The following PPP1R12A variants were observed in gnomAD, a reference collection of about 807,000 sequenced individuals.
The protein encoded by PPP1R12A is myosin binding subunit.
In PPP1R12A, 19 loss-of-function variants were observed where a neutral mutation model predicts 139.6. That is an observed-to-expected ratio of 0.14 (90% CI 0.09 to 0.20). The LOEUF is 0.20. PPP1R12A is among the 10% of genes least tolerant of loss of function. PPP1R12A has a pLI of 1.00. For missense variants in PPP1R12A, 925 were observed against 1,211.5 expected (o/e 0.76, Z 3.51); for synonymous variants, 427 against 420.6 (o/e 1.02, Z -0.19).
intron 22 of PPP1R12A, among the ~76,000 whole-genome samples, chr12:79,785,629 T>G (rs538272996): frequency 6.6e-6 from 1 of 152,316 alleles, no homozygotes; most frequent in Non-Finnish European, 1.5e-5. Flanking sequence ...TTGAACACAT[T>G]TGTTTTCTTA....
chr12:79,798,678 A>G (rs1592630173), intron 14 of PPP1R12A, 94 bp from the exon 15 acceptor site: 1 of 567,518 alleles, frequency 1.8e-6, no homozygotes, highest in Non-Finnish European at 2.8e-6. Flanking sequence ...TACAGGTTTA[A>G]TATCTTAGTA....
intron 2 of PPP1R12A, among the ~76,000 whole-genome samples, chr12:79,872,362 A>G (rs959912332): frequency 2.0e-5 from 3 of 152,176 alleles, no homozygotes; most frequent in African/African-American, 7.2e-5. Flanking sequence ...TTTCTAAAAA[A>G]TGTATTTTTT....
At chr12:79,780,589 TTG>T (rs1870318352) in intron 23 of PPP1R12A, 1 of 152,216 alleles carries the variant, frequency 6.6e-6, no homozygotes, top group African/African-American at 2.4e-5. Context: ...ATATTTAAAA[TTG>T]TGATTGTATT....
chr12:79,811,936 C>A (rs1185926802), intron 9 of PPP1R12A, among the ~76,000 whole-genome samples: 1 of 152,110 alleles, frequency 6.6e-6, no homozygotes, highest in Non-Finnish European at 1.5e-5. Flanking sequence ...AGTCAGATAA[C>A]ATTTATTGTT....
Position 79,895,760 on chromosome 12 carries a change from T to A in PPP1R12A, c.238-22822A>T, listed in dbSNP as rs148358068. On this transcript the variant is annotated intron_variant, in intron 1 of 24. Coordinates refer to ENST00000450142, the MANE Select transcript of PPP1R12A (RefSeq NM_002480.3). ...GCACTGCTACTCTGTTCAGATTTTG[T>A]CAACAATTACTATCATCTGTAAGGT... Among the ~76,000 whole-genome samples the A allele has an allele frequency of 3.9e-5, 6 of 152,322 alleles. No homozygotes were observed. In the East Asian group the frequency reaches 1.2e-3, roughly 29 times the overall value.
intron 2 of PPP1R12A, among the ~76,000 whole-genome samples, chr12:79,860,368 G>T (rs1204460702): frequency 6.6e-6 from 1 of 152,030 alleles, no homozygotes; most frequent in Non-Finnish European, 1.5e-5. Flanking sequence ...AACATTCATT[G>T]GTCAATTAAG....
In PPP1R12A at chr12:79,774,231, T is replaced by C. The variant is rs1869511903; in HGVS notation, c.*1698A>G. ...AAAATAAAACTCCCACAACTATCCT[T>C]GTACCTTTAAAATCAAGAATCCTGA... On this transcript the variant is annotated 3_prime_UTR_variant, in exon 25 of 25. Transcript: ENST00000450142. 1 of 152,246 alleles carries C rather than the reference T, an allele frequency of 6.6e-6. No homozygotes were observed. 9.4% of individuals were successfully genotyped at this position (152,246 alleles called of 1,614,324 possible). A position where few individuals can be genotyped will look rare whatever the true frequency, so the allele number is the denominator to read the frequency against.
intron 8 of PPP1R12A, chr12:79,818,844 T>C (rs1042466877): frequency 6.6e-6 from 1 of 152,304 alleles, no homozygotes; most frequent in Non-Finnish European, 1.5e-5. Context: ...TGTCAAATAG[T>C]TTCCCAAGGA....
chr12:79,837,390 T>C (rs1023126931), intron 3 of PPP1R12A, among the ~76,000 whole-genome samples: 1 of 152,222 alleles, frequency 6.6e-6, no homozygotes, highest in African/African-American at 2.4e-5. Context: ...GTTCAATTAT[T>C]ACTACTTTCA....
intron 8 of PPP1R12A, 75 bp from the exon 9 acceptor site, chr12:79,817,593 T>C (rs975575630): frequency 2.9e-6 from 4 of 1,376,168 alleles, no homozygotes; most frequent in Non-Finnish European, 3.9e-6. Flanking sequence ...AATCATTTTA[T>C]ATTCCATTTT....
Position 79,916,772 on chromosome 12 carries a change from A to G in PPP1R12A, c.237+17923T>C, listed in dbSNP as rs115130523. Among the ~76,000 whole-genome samples the G allele has an allele frequency of 5.2e-3, 790 of 152,312 alleles. 5 individuals are homozygous for G. The highest frequency in any genetic ancestry group is 0.018 in the African/African-American group (750 of 41,570). Reference sequence around the variant, plus strand: ...ATACAGAAATAAATACTGAACCATCAACACCAGCTTCTTTGAGTGGCCAAA... The same window carrying G: ...ATACAGAAATAAATACTGAACCATCGACACCAGCTTCTTTGAGTGGCCAAA... On this transcript the variant is annotated intron_variant, in intron 1 of 24. Coordinates refer to ENST00000450142, the MANE Select transcript of PPP1R12A (RefSeq NM_002480.3).
At chr12:79,801,275 G>T (rs1157205608) in intron 14 of PPP1R12A, among the ~76,000 whole-genome samples, 8 of 140,898 alleles carry the variant, frequency 5.7e-5, no homozygotes, top group Non-Finnish European at 1.2e-4. Flanking sequence ...AACCTGGGAG[G>T]TGGAGATTGC....
intron 2 of PPP1R12A, among the ~76,000 whole-genome samples, chr12:79,855,305 A>C (rs1201922352): frequency 6.6e-6 from 1 of 152,094 alleles, no homozygotes; most frequent in East Asian, 1.9e-4. Flanking sequence ...TATAATTATT[A>C]ATACAGGTCT....
chr12:79,847,304 T>A (rs1201022894), intron 2 of PPP1R12A, among the ~76,000 whole-genome samples: 2 of 152,216 alleles, frequency 1.3e-5, no homozygotes, highest in Non-Finnish European at 2.9e-5. Context: ...TATGTCTGGT[T>A]CATACCTTCA....
At chr12:79,791,895 G>A (rs1293699075) in intron 19 of PPP1R12A, among the ~76,000 whole-genome samples, 1 of 152,096 alleles carries the variant, frequency 6.6e-6, no homozygotes, top group Non-Finnish European at 1.5e-5. Context: ...GAATCACACA[G>A]TTCTTGTCTT....
At chr12:79,828,292 A>G (rs752768661) in intron 5 of PPP1R12A, 28 bp downstream of exon 5, 10 of 1,572,288 alleles carry the variant, frequency 6.4e-6, no homozygotes, top group Non-Finnish European at 8.7e-6. Context: ...TAAAAGTTAA[A>G]GTATTAAAAT....
intron 9 of PPP1R12A, among the ~76,000 whole-genome samples, chr12:79,810,586 C>A (rs1262869251): frequency 6.6e-6 from 1 of 151,884 alleles, no homozygotes; most frequent in African/African-American, 2.4e-5. Context: ...AAGTTATGAA[C>A]AAAAAATATT....
intron 19 of PPP1R12A, among the ~76,000 whole-genome samples, chr12:79,790,735 G>A (rs1042305946): frequency 1.3e-5 from 2 of 152,162 alleles, no homozygotes; most frequent in Non-Finnish European, 2.9e-5. Context: ...ATGCTACACT[G>A]AAGTTCCAGA....
At chr12:79,814,007 C>A (rs953128092) in intron 9 of PPP1R12A, among the ~76,000 whole-genome samples, 1 of 151,904 alleles carries the variant, frequency 6.6e-6, no homozygotes, top group Non-Finnish European at 1.5e-5. Context: ...AATTGCAAAA[C>A]CTTTTAAGAT....
Sources: gnomAD v4.1 joint callset for allele counts (sites outside exome capture counted in the v4.1 genomes callset) on GRCh38, gnomAD v4.1.1 for gene constraint, MANE v1.5 for transcripts, NCBI Gene and HGNC (gene_info 2026-07-23, HGNC 2026-07-21) for gene names.